The following SLC71A1 variants were observed in gnomAD, a reference collection of about 807,000 sequenced individuals.
The protein encoded by SLC71A1 is hippocampus abundant gene transcript 1.
the SLC71A1 span, among the ~76,000 whole-genome samples, chr1:100,065,495 C>A: frequency 7.1e-6 from 1 of 140,198 alleles, no homozygotes; most frequent in South Asian, 2.6e-4. Flanking sequence ...CCCCTCCCCT[C>A]CCCTCCCCTT....
chr1:100,080,500 C>A, the SLC71A1 span: 2 of 1,611,548 alleles, frequency 1.2e-6, no homozygotes, highest in Admixed American at 1.7e-5. Flanking sequence ...ATGTAGGTGT[C>A]GTTCAAGGAA....
chr1:100,061,710 T>G, the SLC71A1 span: 2 of 663,104 alleles, frequency 3.0e-6, no homozygotes, highest in African/African-American at 1.9e-5. Context: ...AGTTAATCCA[T>G]GAACTATCCT....
chr1:100,052,050 A>G, the SLC71A1 span, among the ~76,000 whole-genome samples: 2 of 152,042 alleles, frequency 1.3e-5, no homozygotes, highest in African/African-American at 2.4e-5. Context: ...TGACTCCTCC[A>G]GTGCTCAGTC....
chr1:100,060,396 A>C, the SLC71A1 span, among the ~76,000 whole-genome samples: 1 of 152,214 alleles, frequency 6.6e-6, no homozygotes, highest in Non-Finnish European at 1.5e-5. Context: ...CAAAACCCAA[A>C]ATAAGAGTTG....
the SLC71A1 span, chr1:100,080,481 G>T: frequency 6.2e-7 from 1 of 1,605,540 alleles, no homozygotes; most frequent in Admixed American, 1.7e-5. Context: ...GTGATAATTT[G>T]TTTAAACAAT....
At chr1:100,049,997 C>T in the SLC71A1 span, 2 of 1,552,818 alleles carry the variant, frequency 1.3e-6, no homozygotes, top group South Asian at 1.1e-5. Context: ...ACAGCACCCA[C>T]CTTGGTGGTA....
chr1:100,042,620 CT>C, the SLC71A1 span, among the ~76,000 whole-genome samples: 2 of 143,654 alleles, frequency 1.4e-5, no homozygotes, highest in Non-Finnish European at 3.1e-5. Flanking sequence ...TTTTTTTTTT[CT>C]TTTGAGACAG....
At chr1:100,059,348 CAG>C in the SLC71A1 span, among the ~76,000 whole-genome samples, 1 of 151,014 alleles carries the variant, frequency 6.6e-6, no homozygotes, top group Non-Finnish European at 1.5e-5. Flanking sequence ...TTAGTAGAGA[CAG>C]GGTTTTGCCA....
chr1:100,063,146 G>A, the SLC71A1 span, among the ~76,000 whole-genome samples: 2 of 151,892 alleles, frequency 1.3e-5, no homozygotes, highest in East Asian at 3.8e-4. Context: ...GGGGTTGGTC[G>A]GTTGGTTGGT....
the SLC71A1 span, among the ~76,000 whole-genome samples, chr1:100,052,131 C>T: frequency 6.6e-6 from 1 of 152,132 alleles, no homozygotes; most frequent in Non-Finnish European, 1.5e-5. Context: ...GGCAGCCCAA[C>T]CACTAGCTAA....
chr1:100,073,894 A>T, the SLC71A1 span, among the ~76,000 whole-genome samples: 13,673 of 152,090 alleles, frequency 0.09, 934 homozygotes, highest in African/African-American at 0.18. Context: ...GACACCAAAA[A>T]TTTTTTCCGT....
chr1:100,077,728 C>T, the SLC71A1 span, among the ~76,000 whole-genome samples: 1 of 152,204 alleles, frequency 6.6e-6, no homozygotes, highest in Non-Finnish European at 1.5e-5. Flanking sequence ...CATGCTGTGT[C>T]TCAGCTTTTC....
At chr1:100,064,567 T>G in the SLC71A1 span, among the ~76,000 whole-genome samples, 1 of 152,196 alleles carries the variant, frequency 6.6e-6, no homozygotes, top group African/African-American at 2.4e-5. Flanking sequence ...CAACCAACAA[T>G]TTAGCTTCTG....
the SLC71A1 span, chr1:100,082,516 C>T: frequency 3.2e-6 from 1 of 316,186 alleles, no homozygotes; most frequent in Non-Finnish European, 6.0e-6. Flanking sequence ...TAGCAAATGT[C>T]TCTGCTACCA....
the SLC71A1 span, among the ~76,000 whole-genome samples, chr1:100,072,013 AGTCCATGAGGAACAAG>A: frequency 6.6e-6 from 1 of 152,234 alleles, no homozygotes; most frequent in Non-Finnish European, 1.5e-5. Flanking sequence ...TGACACACAC[AGTCCATGAGGAACAAG>A]GTCCTTAAGT....
chr1:100,046,212 GTTTTTTTTTTTTTTTTTTT>G, the SLC71A1 span, among the ~76,000 whole-genome samples: 4 of 54,078 alleles, frequency 7.4e-5, 1 homozygote, highest in East Asian at 1.6e-3. Context: ...TCCAAGCCTC[GTTTTTTTTTTTTTTTTTTT>G]TTTTTTTTTT....
chr1:100,061,502 A>G, the SLC71A1 span, among the ~76,000 whole-genome samples: 2 of 152,180 alleles, frequency 1.3e-5, no homozygotes, highest in East Asian at 1.9e-4. Context: ...ACAGTAATGG[A>G]TGGATTATAA....
chr1:100,071,735 A>C, the SLC71A1 span, among the ~76,000 whole-genome samples: 1 of 152,244 alleles, frequency 6.6e-6, no homozygotes, highest in African/African-American at 2.4e-5. Flanking sequence ...GTATGCATCT[A>C]ATAAATGTAG....
the SLC71A1 span, among the ~76,000 whole-genome samples, chr1:100,071,476 A>T: frequency 7.2e-5 from 11 of 152,204 alleles, no homozygotes; most frequent in East Asian, 2.1e-3. Flanking sequence ...GTCTCAAAAA[A>T]AAAGTGTAAG....
Sources: gnomAD v4.1 joint callset for allele counts (sites outside exome capture counted in the v4.1 genomes callset) on GRCh38, gnomAD v4.1.1 for gene constraint, MANE v1.5 for transcripts, NCBI Gene and HGNC (gene_info 2026-07-23, HGNC 2026-07-21) for gene names.